The following THNSL1 variants were observed in gnomAD, a reference collection of about 807,000 sequenced individuals.
THNSL1 encodes the protein threonine synthase-like 1.
In THNSL1, 48 loss-of-function variants were observed where a neutral mutation model predicts 50.4. That is an observed-to-expected ratio of 0.95 (90% CI 0.76 to 1.21). THNSL1 has a LOEUF of 1.21. THNSL1 is among the 50% of genes most tolerant of loss of function. The pLI is 0.00. For missense variants in THNSL1, 896 were observed against 871.7 expected, an observed-to-expected ratio of 1.03 and a Z score of -0.35; for synonymous variants, 309 against 306.1, an observed-to-expected ratio of 1.01 and a Z score of -0.10.
At chr10:25,011,618 A>G (rs1850445910), upstream of THNSL1, among the ~76,000 whole-genome samples, 1 of 152,204 alleles carries the variant, frequency 6.6e-6, no homozygotes, top group Non-Finnish European at 1.5e-5. Context: ...TAGACCTGCA[A>G]CCATAAAGAC....
chr10:24,952,383 A>T, the THNSL1 span: 1 of 928,084 alleles, frequency 1.1e-6, no homozygotes, highest in Non-Finnish European at 1.7e-6. This position sits in a 1 kb window ranked among gnomAD's most constrained non-coding sequence, Gnocchi z 5.1. Context: ...CCCGGGTCCG[A>T]GGATGGAAGC....
chr10:24,956,297 C>T, the THNSL1 span, among the ~76,000 whole-genome samples: 9 of 152,182 alleles, frequency 5.9e-5, no homozygotes, highest in African/African-American at 2.2e-4. Context: ...TCCCGCCCTC[C>T]ACCCTCAAGT....
the THNSL1 span, among the ~76,000 whole-genome samples, chr10:25,006,473 G>A: frequency 1.2e-4 from 18 of 152,150 alleles, no homozygotes; most frequent in African/African-American, 4.3e-4. Flanking sequence ...AGCATGGGAA[G>A]GATCTTTCTT....
Position 25,025,417 on chromosome 10 carries a change from A to G in THNSL1, c.2194A>G (p.Ser732Gly), listed in dbSNP as rs1205704927. ...VCAADMNVLK[S>G]HVEQLVQNQF... ...TGCAGCTGATATGAATGTCTTGAAG[A>G]GTCATGTGGAACAACTTGTCCAAAA... Residue 732 changes from serine (S) to glycine (G), a missense_variant, in exon 3 of 3, where the codon AGT becomes GGT. Physicochemically the swap from Ser to Gly is moderately conservative, Grantham distance 56 (BLOSUM62 0). Transcript: ENST00000376356. 6.2e-7 allele frequency: 1 copy of G among 1,611,180 alleles called. No individual in the cohort carries two copies. Among genetic ancestry groups the G allele is most frequent in the Non-Finnish European group, 8.5e-7 (1 of 1,179,014 alleles).
At position 25,024,716 on chromosome 10, in the gene THNSL1, T is replaced by G; in HGVS notation, c.1493T>G (p.Phe498Cys). The G allele has an allele frequency of 6.2e-7, 1 of 1,614,202 alleles. No individual in the cohort carries two copies. Among genetic ancestry groups the G allele is most frequent in the Non-Finnish European group, 8.5e-7 (1 of 1,180,028 alleles). The change falls in exon 3 of 3, where the codon TTT (phenylalanine) becomes TGT (cysteine). Residue 498 changes from phenylalanine to cysteine, a missense_variant. Physicochemically the swap from Phe to Cys is radical, Grantham distance 205 (BLOSUM62 -2). Coordinates refer to ENST00000376356, the MANE Select transcript of THNSL1 (RefSeq NM_024838.5). ...LDLVSQGFISFGSPVDVCIPT... is the reference protein window; with the variant it reads ...LDLVSQGFISCGSPVDVCIPT... Reference sequence around the variant, plus strand: ...CTTGTTAGTCAAGGATTTATTTCTTTTGGAAGCCCAGTCGATGTCTGTATT... The same window carrying G: ...CTTGTTAGTCAAGGATTTATTTCTTGTGGAAGCCCAGTCGATGTCTGTATT...
At position 25,025,080 on chromosome 10, in the gene THNSL1, C is replaced by T. The variant is rs779372531; in HGVS notation, c.1857C>T (p.Cys619=). The T allele has an allele frequency of 4.9e-5, 79 of 1,614,050 alleles. 2 individuals are homozygous for T. The Admixed American group carries it at 1.2e-3, about 25-fold the overall frequency. The change falls in exon 3 of 3, where the codon TGC becomes TGT. Residue 619 remains cysteine, a synonymous_variant. Coordinates refer to ENST00000376356, the MANE Select transcript of THNSL1 (RefSeq NM_024838.5). ...AGCAGGATTTTGTAGCTGACTGGTG[C>T]TCTGAGGGAGAGTGCCTAGCAGCTA... ...KLQQDFVADW[C]SEGECLAAIN... is the part of the protein sequence containing the mutation.
chr10:24,974,843 T>C, the THNSL1 span, among the ~76,000 whole-genome samples: 1 of 152,202 alleles, frequency 6.6e-6, no homozygotes, highest in African/African-American at 2.4e-5. Flanking sequence ...TTGGGTACAT[T>C]ACAAAAGAAT....
the THNSL1 span, among the ~76,000 whole-genome samples, chr10:24,988,507 T>A: frequency 6.8e-6 from 1 of 146,906 alleles, no homozygotes; most frequent in Non-Finnish European, 1.5e-5. Context: ...ATTTTGCAAT[T>A]TAATTGGTGA....
the THNSL1 span, among the ~76,000 whole-genome samples, chr10:24,971,907 T>C: frequency 6.6e-6 from 1 of 152,150 alleles, no homozygotes; most frequent in Admixed American, 6.5e-5. Flanking sequence ...TTAAAATGTC[T>C]TGGCCAGGTG....
chr10:25,000,770 A>T, the THNSL1 span, among the ~76,000 whole-genome samples: 1 of 151,978 alleles, frequency 6.6e-6, no homozygotes, highest in Non-Finnish European at 1.5e-5. Flanking sequence ...TTTCACTTTT[A>T]ATGTGATTAT....
At chr10:24,988,541 T>C in the THNSL1 span, among the ~76,000 whole-genome samples, 1 of 147,382 alleles carries the variant, frequency 6.8e-6, no homozygotes, top group African/African-American at 2.5e-5. Context: ...TCTATGTACA[T>C]GTAGAGATAT....
chr10:24,968,023 G>A, the THNSL1 span, among the ~76,000 whole-genome samples: 1 of 151,708 alleles, frequency 6.6e-6, no homozygotes, highest in East Asian at 1.9e-4. Flanking sequence ...GTGTGTGTGT[G>A]TGTGTGTGTG....
Position 25,024,456 on chromosome 10 carries a change from A to C in THNSL1, c.1233A>C (p.Gly411=). Residue 411 remains glycine (G), a synonymous_variant, in exon 3 of 3, where the codon GGA becomes GGC. Coordinates refer to ENST00000376356, the MANE Select transcript of THNSL1 (RefSeq NM_024838.5). ...IAVVAFFPEN[G]VSDFQKAQII... is the part of the protein sequence containing the mutation. ...TGGTTGCATTTTTTCCTGAGAATGG[A>C]GTAAGTGATTTTCAAAAAGCACAAA... 3 of 1,614,172 alleles carry C rather than the reference A, an allele frequency of 1.9e-6. No individual in the cohort carries two copies. The highest frequency in any genetic ancestry group is 2.5e-6 in the Non-Finnish European group (3 of 1,180,034).
chr10:24,991,727 G>C, the THNSL1 span, among the ~76,000 whole-genome samples: 1 of 152,198 alleles, frequency 6.6e-6, no homozygotes, highest in East Asian at 1.9e-4. Flanking sequence ...AATTCTTCAA[G>C]TATACCAAGG....
intron 1 of THNSL1, among the ~76,000 whole-genome samples, chr10:25,021,236 T>C (rs1186816870): frequency 6.6e-6 from 1 of 152,218 alleles, no homozygotes; most frequent in Non-Finnish European, 1.5e-5. Flanking sequence ...CTATGATATG[T>C]GCTTTGATTT....
chr10:25,026,488 T>TA lies in THNSL1; in HGVS notation c.*1034dup, dbSNP rs1327718256. On this transcript the variant is annotated 3_prime_UTR_variant, in exon 3 of 3. Transcript: ENST00000376356. ...CCCTATATTATTTGGAGTCAATTCT[T>TA]ACGTAATTTGTTGTTTATTTCTTCA... is the stretch of plus-strand genomic sequence containing the variant. 64 of 167,222 alleles carry TA rather than the reference T, an allele frequency of 3.8e-4. No individual in the cohort carries two copies. The highest frequency in any genetic ancestry group is 1.5e-3 in the African/African-American group (62 of 41,606). The allele number at this position is 167,222 out of a possible 1,614,324, so 10.4% of individuals were successfully genotyped here.
the THNSL1 span, among the ~76,000 whole-genome samples, chr10:24,970,762 G>A: frequency 3.3e-5 from 5 of 150,032 alleles, no homozygotes; most frequent in East Asian, 2.0e-4. Context: ...GATGGCTCAC[G>A]CCCGTAATCC....
At chr10:24,952,516 G>T in the THNSL1 span, 2 of 1,583,500 alleles carry the variant, frequency 1.3e-6, no homozygotes, top group South Asian at 2.3e-5. The surrounding 1 kb of genome is among the most constrained non-coding windows in gnomAD (Gnocchi z 5.1). Context: ...AAAATAGGGA[G>T]TTTGCATTTA....
At chr10:24,973,420 A>G in the THNSL1 span, among the ~76,000 whole-genome samples, 1 of 151,962 alleles carries the variant, frequency 6.6e-6, no homozygotes, top group Non-Finnish European at 1.5e-5. Flanking sequence ...GGACGGTGCA[A>G]GATTTCATCA....
Sources: gnomAD v4.1 joint callset for allele counts (sites outside exome capture counted in the v4.1 genomes callset) on GRCh38, gnomAD v4.1.1 for gene constraint, Gnocchi (gnomAD v3.1) non-coding constraint, MANE v1.5 for transcripts, NCBI Gene and HGNC (gene_info 2026-07-23, HGNC 2026-07-21) for gene names.